Variants in SLC9A6 observed in about 807,000 individuals in gnomAD.
SLC9A6 encodes the protein sodium/hydrogen exchanger 6.
SLC9A6 carries 6 observed loss-of-function variants against 45.3 expected under a neutral mutation model. That is an observed-to-expected ratio of 0.13 (90% CI 0.07 to 0.26). The LOEUF is 0.26. Ranked by LOEUF, SLC9A6 falls within the 10% of genes least tolerant of loss-of-function variation. The pLI is 1.00. For synonymous variants in SLC9A6, 191 were observed against 187.7 expected, an observed-to-expected ratio of 1.02 and a Z score of -0.14; for missense variants, 278 against 503.7, an observed-to-expected ratio of 0.55 and a Z score of 4.29.
intron 7 of SLC9A6, among the ~76,000 whole-genome samples, chrX:136,008,056 T>C (rs2089684066): frequency 2.7e-5 from 3 of 111,636 alleles, no homozygotes; most frequent in Non-Finnish European, 5.6e-5. Context: ...TTTAGAAATA[T>C]AGTGCAAGGA....
At chrX:135,990,475 G>A (rs1271870876) in intron 2 of SLC9A6, among the ~76,000 whole-genome samples, 16 of 112,157 alleles carry the variant, frequency 1.4e-4, no homozygotes, top group Admixed American at 4.7e-4. Flanking sequence ...CAGAACCCTC[G>A]TTAACTTGAT....
chrX:136,032,144 T>C, intron 15 of SLC9A6, among the ~76,000 whole-genome samples: 1 of 112,296 alleles, frequency 8.9e-6, no homozygotes, highest in Non-Finnish European at 1.9e-5. Context: ...CTCAGGTCAC[T>C]GCAACCTCCA....
chrX:136,030,244 A>G (rs1335241891), intron 15 of SLC9A6, 82 bp downstream of exon 15: 11 of 932,546 alleles, frequency 1.2e-5, no homozygotes, highest in Non-Finnish European at 1.7e-5. Flanking sequence ...TATAAACTTC[A>G]ACCTTCTATT....
At position 136,022,660 on chromosome X, in the gene SLC9A6, G is replaced by C. The variant is rs781918578; in HGVS notation, c.1269G>C (p.Lys423Asn). 3.9e-5 allele frequency: 46 copies of C among 1,192,096 alleles called. No individual in the cohort carries two copies. The highest frequency in any genetic ancestry group is 5.1e-5 in the Non-Finnish European group (45 of 881,640). ...SLLLNLGRRS[K>N]IGSNFQHMMM... ...TACTTAATTTGGGTAGAAGAAGTAA[G>C]ATTGGATCAAATTTTCAACACATGA... The change falls in exon 12 of 18, where the codon AAG (lysine) becomes AAC (asparagine). Residue 423 changes from lysine (K) to asparagine (N), a missense_variant. By Grantham distance (94) the Lys-to-Asn change is moderately conservative. Around this residue, in one of 5 missense-constraint regions of SLC9A6, gnomAD observed 41 missense variants for 51.8 expected, o/e 0.79. Coordinates refer to ENST00000630721, the MANE Select transcript of SLC9A6 (RefSeq NM_001379110.1).
intron 11 of SLC9A6, among the ~76,000 whole-genome samples, chrX:136,017,494 G>A (rs2071042613): frequency 9.0e-6 from 1 of 110,640 alleles, no homozygotes; most frequent in African/African-American, 3.3e-5. Flanking sequence ...AGGCAATAGT[G>A]AAAGCCTCTT....
At chrX:135,978,285 T>C (rs2089271668) in intron 1 of SLC9A6, among the ~76,000 whole-genome samples, 2 of 112,181 alleles carry the variant, frequency 1.8e-5, no homozygotes, top group South Asian at 7.3e-4. Context: ...ATATCTCTCT[T>C]AGGGTTTCAT....
At chrX:136,001,377 G>T (rs888140140) in intron 6 of SLC9A6, among the ~76,000 whole-genome samples, 1 of 106,217 alleles carries the variant, frequency 9.4e-6, no homozygotes, top group Admixed American at 1.0e-4. Context: ...CTCACCTCTC[G>T]TTATATTAAT....
chrX:135,995,128 T>C, intron 3 of SLC9A6, 143 bp downstream of exon 3: 2 of 461,857 alleles, frequency 4.3e-6, no homozygotes, highest in Non-Finnish European at 3.8e-6. Flanking sequence ...TTAACAAATG[T>C]AATAATGTAA....
chrX:135,985,793 C>T lies in SLC9A6; in HGVS notation c.135C>T (p.Arg45=). Residue 45 remains arginine, a synonymous_variant, in exon 2 of 18, where the codon CGC becomes CGT. Coordinates refer to ENST00000630721, the MANE Select transcript of SLC9A6 (RefSeq NM_001379110.1). ...GGCTCTTCAAGCACCGCCGGGCCCG[C>T]TTCCTGCACGAAACCGGCCTGGCTA... ...TIWLFKHRRA[R]FLHETGLAMI... is the part of the protein sequence containing the mutation. 3.3e-6 allele frequency: 4 copies of T among 1,211,738 alleles called. No individual in the cohort carries two copies. Among genetic ancestry groups the T allele is most frequent in the Non-Finnish European group, 4.5e-6 (4 of 895,497 alleles).
At chrX:136,004,381 G>A (rs2089625887) in intron 7 of SLC9A6, among the ~76,000 whole-genome samples, 1 of 111,040 alleles carries the variant, frequency 9.0e-6, no homozygotes, top group Non-Finnish European at 1.9e-5. Context: ...GAGCCACCAT[G>A]CCTGGCCCCT....
At chrX:136,035,463 G>A (rs1393739149) in intron 16 of SLC9A6, among the ~76,000 whole-genome samples, 5 of 111,456 alleles carry the variant, frequency 4.5e-5, no homozygotes, top group Admixed American at 1.9e-4. Context: ...TCTTTCACTC[G>A]ACATCTGTGT....
rs782500929 is a variant in SLC9A6, at chrX:135,992,016, C to G, written c.170-2770C>G. On this transcript the variant is annotated intron_variant, in intron 2 of 17. Coordinates refer to ENST00000630721, the MANE Select transcript of SLC9A6 (RefSeq NM_001379110.1). ...ACAGTGTATATCTCCAGTTGAGACC[C>G]CTCGCTTTAGCTCCAGATACCACAT... Among the ~76,000 whole-genome samples the G allele has an allele frequency of 2.7e-5, 3 of 111,643 alleles. No individual in the cohort carries two copies. The South Asian group carries it at 1.1e-3, about 42-fold the overall frequency.
In SLC9A6 at chrX:136,034,690, T is replaced by C. The variant is rs781960759; in HGVS notation, c.1661+1197T>C. 7.1e-5 allele frequency among the ~76,000 whole-genome samples: 8 copies of C among 112,123 alleles called. No homozygotes were observed. The East Asian group carries it at 2.2e-3, about 31-fold the overall frequency. On this transcript the variant is annotated intron_variant, in intron 16 of 17. Transcript: ENST00000630721. ...CACTTGACACTTAATGATTAGAAGC[T>C]ACTACTTACCATGTTCTGTTTGGTA...
chrX:136,045,290 G>A lies in SLC9A6; in HGVS notation c.*566G>A, dbSNP rs1364111076. ...CCCCATTCAGGTTGGGGAGTGAAGT[G>A]TGAGGACCCTTTTCCCCCGCTTGCT... On this transcript the variant is annotated 3_prime_UTR_variant, in exon 18 of 18. Coordinates refer to ENST00000630721, the MANE Select transcript of SLC9A6 (RefSeq NM_001379110.1). 1 of 115,247 alleles carries A rather than the reference G, an allele frequency of 8.7e-6. No individual in the cohort carries two copies. Among genetic ancestry groups the A allele is most frequent in the African/African-American group, 3.3e-5 (1 of 30,755 alleles). 9.5% of individuals were successfully genotyped at this position (115,247 alleles called of 1,213,427 possible).
intron 8 of SLC9A6, among the ~76,000 whole-genome samples, chrX:136,011,946 C>T (rs1389889745): frequency 9.0e-6 from 1 of 111,334 alleles, no homozygotes; most frequent in Non-Finnish European, 1.9e-5. Flanking sequence ...AAAAATTAGC[C>T]GGGCATGGTG....
chrX:135,996,674 A>G (rs2089501195), intron 3 of SLC9A6, among the ~76,000 whole-genome samples: 1 of 112,129 alleles, frequency 8.9e-6, no homozygotes, highest in Admixed American at 9.4e-5. Context: ...CTTTTTGCCA[A>G]CAATAATACT....
At chrX:136,015,225 A>C (rs1295737010) in intron 10 of SLC9A6, among the ~76,000 whole-genome samples, 5 of 112,963 alleles carry the variant, frequency 4.4e-5, no homozygotes, top group African/African-American at 6.4e-5. Context: ...TTCCATGTCC[A>C]CCAATAAAAT....
At chrX:135,989,232 A>G (rs12559112) in intron 2 of SLC9A6, among the ~76,000 whole-genome samples, 2,161 of 111,558 alleles carry the variant, frequency 0.019, 72 homozygotes, top group East Asian at 0.17. Context: ...ATATAGATCA[A>G]TTGCTCCAGT....
rs782802094 is a variant in SLC9A6 at position 136,010,560 on chromosome X, G to A, written c.862G>A (p.Ala288Thr). 3.3e-6 allele frequency: 4 copies of A among 1,208,814 alleles called. No homozygotes were observed. In the African/African-American group the frequency reaches 5.2e-5, roughly 16 times the overall value. ...CAGTGGATCTTTTGCAATGGGTGCT[G>A]CTACTGGAGTGGTGACAGCTTTAAT... ...IFSGSFAMGA[A>T]TGVVTALVTK... Residue 288 changes from alanine to threonine, a missense_variant, in exon 8 of 18, where the codon GCT becomes ACT. This residue lies in a region of SLC9A6 where 13 missense variants were observed against 58.8 expected (regional missense o/e 0.22). Coordinates refer to ENST00000630721, the MANE Select transcript of SLC9A6 (RefSeq NM_001379110.1).
Sources: allele counts gnomAD v4.1 joint callset (sites outside exome capture counted in the v4.1 genomes callset), GRCh38; gene constraint gnomAD v4.1.1; regional missense constraint gnomAD v4.1.1; transcripts MANE v1.5; gene names NCBI Gene and HGNC (gene_info 2026-07-23, HGNC 2026-07-21).